The following WWOX variants were observed in gnomAD, a reference collection of about 807,000 sequenced individuals.
WWOX encodes WW domain containing oxidoreductase, also known as WW domain-containing oxidoreductase.
WWOX carries 69 observed loss-of-function variants against 46.2 expected under a neutral mutation model. The ratio of observed to expected loss-of-function variants is 1.49; its 90% CI spans 1.23 to 1.82. WWOX has a LOEUF of 1.82. Among genes scored for constraint, WWOX ranks in the 40% most tolerant of loss-of-function variants. The pLI is 0.00. For synonymous variants in WWOX, 359 were observed against 202.6 expected (o/e 1.77, Z -6.56); for missense variants, 919 against 542.6 (o/e 1.69, Z -6.89).
chr16:78,191,088 G>A lies in WWOX; in HGVS notation c.516+26799G>A, dbSNP rs183386869. 5.3e-5 allele frequency among the ~76,000 whole-genome samples: 8 copies of A among 152,316 alleles called. No homozygotes were observed. The East Asian group carries it at 1.5e-3, about 29-fold the overall frequency. ...TATGAGCCCTCTTTCCAACCGCAGT[G>A]TTGAGGACTAGACCAGGCAAGATGA... On this transcript the variant is annotated intron_variant, in intron 5 of 8. Coordinates refer to ENST00000566780, the MANE Select transcript of WWOX (RefSeq NM_016373.4).
chr16:78,628,917 C>T (rs996269773), intron 8 of WWOX, among the ~76,000 whole-genome samples: 1 of 152,100 alleles, frequency 6.6e-6, no homozygotes, highest in Non-Finnish European at 1.5e-5. Context: ...GTGCATTTAT[C>T]TTACAAGAGG....
chr16:78,838,185 G>A (rs2052042764), intron 8 of WWOX, among the ~76,000 whole-genome samples: 1 of 152,144 alleles, frequency 6.6e-6, no homozygotes. Flanking sequence ...GTTGTGGTGG[G>A]TGGTGGTGAA....
chr16:78,170,061 G>T (rs1305629286), intron 5 of WWOX, among the ~76,000 whole-genome samples: 1 of 152,142 alleles, frequency 6.6e-6, no homozygotes, highest in East Asian at 1.9e-4. Flanking sequence ...ACTCACCCCT[G>T]ACTTCCCAGA....
At chr16:78,487,611 T>G (rs1472289390) in intron 8 of WWOX, among the ~76,000 whole-genome samples, 1 of 152,196 alleles carries the variant, frequency 6.6e-6, no homozygotes, top group Non-Finnish European at 1.5e-5. Context: ...TCATTTGTAC[T>G]GGGCATCTGT....
intron 5 of WWOX, among the ~76,000 whole-genome samples, chr16:78,307,643 A>C (rs184374045): frequency 5.6e-4 from 85 of 152,294 alleles, no homozygotes; most frequent in Non-Finnish European, 9.7e-4. Flanking sequence ...CAGAATGATA[A>C]GAGAATAAAT....
At chr16:78,674,419 G>C (rs1452947696) in intron 8 of WWOX, among the ~76,000 whole-genome samples, 2 of 151,972 alleles carry the variant, frequency 1.3e-5, no homozygotes, top group African/African-American at 4.8e-5. Context: ...TGAGTAGCTG[G>C]AACTACAGGC....
chr16:78,647,081 G>C (rs867350049), intron 8 of WWOX, among the ~76,000 whole-genome samples: 1 of 152,148 alleles, frequency 6.6e-6, no homozygotes, highest in South Asian at 2.1e-4. Flanking sequence ...CTTCCCCGAT[G>C]ATGGCCAAGC....
intron 8 of WWOX, among the ~76,000 whole-genome samples, chr16:79,102,219 C>A (rs898100517): frequency 3.9e-5 from 6 of 152,032 alleles, no homozygotes; most frequent in Admixed American, 6.6e-5. Context: ...AGATAACTTG[C>A]CTATAAACAT....
At chr16:78,386,515 C>G (rs575546087) in intron 5 of WWOX, among the ~76,000 whole-genome samples, 2 of 152,232 alleles carry the variant, frequency 1.3e-5, no homozygotes, top group South Asian at 2.1e-4. Context: ...GAGGCGTTGT[C>G]GTGCATTCCC....
At chr16:78,433,834 G>GGC (rs1022793503) in intron 8 of WWOX, among the ~76,000 whole-genome samples, 10 of 130,370 alleles carry the variant, frequency 7.7e-5, no homozygotes, top group Admixed American at 6.7e-4. Flanking sequence ...CTGTCGCCCA[G>GGC]GCTGGAGTGC....
chr16:78,360,780 G>T (rs2151913218), intron 5 of WWOX, among the ~76,000 whole-genome samples: 1 of 151,852 alleles, frequency 6.6e-6, no homozygotes, highest in South Asian at 2.1e-4. Context: ...TCTAGTCCAG[G>T]ATGCCACATT....
intron 8 of WWOX, among the ~76,000 whole-genome samples, chr16:78,697,347 A>G (rs1286557109): frequency 6.6e-6 from 1 of 152,112 alleles, no homozygotes. Context: ...CATTTTTGGT[A>G]ATGGCCATTC....
At chr16:78,443,304 CA>C (rs938134548) in intron 8 of WWOX, among the ~76,000 whole-genome samples, 1 of 151,268 alleles carries the variant, frequency 6.6e-6, no homozygotes, top group Admixed American at 6.6e-5. Context: ...GACTGAAAAA[CA>C]AAAAAACAAA....
At chr16:78,154,841 G>T (rs12716852) in intron 4 of WWOX, among the ~76,000 whole-genome samples, 1 of 151,826 alleles carries the variant, frequency 6.6e-6, no homozygotes, top group African/African-American at 2.4e-5. Flanking sequence ...AGTTGTGAAC[G>T]TATGGACTGA....
At chr16:78,964,328 AG>A (rs560747473) in intron 8 of WWOX, among the ~76,000 whole-genome samples, 346 of 152,338 alleles carry the variant, frequency 2.3e-3, no homozygotes, top group African/African-American at 7.9e-3. Flanking sequence ...AATAATGTCC[AG>A]GCTGAGGTGG....
chr16:78,449,694 A>C (rs1262651555), intron 8 of WWOX, among the ~76,000 whole-genome samples: 1 of 152,140 alleles, frequency 6.6e-6, no homozygotes, highest in Admixed American at 6.5e-5. Context: ...TTCTGATGGG[A>C]GGTAAGATTT....
chr16:78,605,851 C>A (rs969587348), intron 8 of WWOX, among the ~76,000 whole-genome samples: 4 of 152,028 alleles, frequency 2.6e-5, no homozygotes, highest in African/African-American at 9.7e-5. Context: ...GTGTGTTGTT[C>A]TTTTTTTCCA....
At chr16:79,138,831 G>T (rs543954647) in intron 8 of WWOX, among the ~76,000 whole-genome samples, 1 of 152,292 alleles carries the variant, frequency 6.6e-6, no homozygotes, top group South Asian at 2.1e-4. Context: ...CACCAGATGT[G>T]GCAGGGTGAG....
chr16:79,062,328 T>C (rs914624050), intron 8 of WWOX, among the ~76,000 whole-genome samples: 1 of 152,196 alleles, frequency 6.6e-6, no homozygotes, highest in Non-Finnish European at 1.5e-5. Context: ...TTTAATTATC[T>C]TCAGTTGGAT....
Sources: gnomAD v4.1 joint callset for allele counts (sites outside exome capture counted in the v4.1 genomes callset) on GRCh38, gnomAD v4.1.1 for gene constraint, MANE v1.5 for transcripts, NCBI Gene and HGNC (gene_info 2026-07-23, HGNC 2026-07-21) for gene names.